The following ASH1L variants were observed in gnomAD, a reference collection of about 807,000 sequenced individuals.
ASH1L encodes histone-lysine N-methyltransferase ASH1L.
ASH1L carries 23 observed loss-of-function variants against 269.0 expected under a neutral mutation model. The observed-to-expected ratio is 0.09, with a 90% CI of 0.06 to 0.12. The LOEUF (loss-of-function observed/expected upper bound fraction) is 0.12, where lower values mean the gene tolerates loss of function less well. Ranked by LOEUF, ASH1L falls within the 10% of genes least tolerant of loss-of-function variation. The pLI, the probability that ASH1L is intolerant of heterozygous loss-of-function variation, is 1.00. For synonymous variants in ASH1L, 1,187 were observed against 1,253.5 expected, an observed-to-expected ratio of 0.95 and a Z score of 1.12; for missense variants, 2,912 against 3,567.8, an observed-to-expected ratio of 0.82 and a Z score of 4.68.
At chr1:155,457,762 A>G (rs1663970746) in intron 4 of ASH1L, among the ~76,000 whole-genome samples, 1 of 152,236 alleles carries the variant, frequency 6.6e-6, no homozygotes, top group African/African-American at 2.4e-5. Flanking sequence ...AATTCAATGA[A>G]CAGAATAGTC....
At chr1:155,443,439 C>A (rs1214838121) in intron 4 of ASH1L, among the ~76,000 whole-genome samples, 2 of 152,174 alleles carry the variant, frequency 1.3e-5, no homozygotes, top group African/African-American at 4.8e-5. Flanking sequence ...AAATTAACTT[C>A]ACTGTGGTAA....
intron 1 of ASH1L, among the ~76,000 whole-genome samples, chr1:155,545,034 T>C (rs541307829): frequency 4.0e-5 from 6 of 151,410 alleles, no homozygotes; most frequent in African/African-American, 1.5e-4. Flanking sequence ...TAGCCGGGCA[T>C]GGTGGTACAT....
intron 17 of ASH1L, among the ~76,000 whole-genome samples, chr1:155,350,267 C>G (rs968710291): frequency 1.1e-4 from 16 of 152,142 alleles, no homozygotes; most frequent in African/African-American, 3.9e-4. Flanking sequence ...GGTGATTCAC[C>G]TGCCTCGGCC....
intron 2 of ASH1L, among the ~76,000 whole-genome samples, chr1:155,511,071 T>C (rs1668130948): frequency 6.6e-6 from 1 of 152,116 alleles, no homozygotes; most frequent in Non-Finnish European, 1.5e-5. Context: ...GTATGAAATA[T>C]GACATAACAT....
chr1:155,397,945 C>A (rs1210851928), intron 6 of ASH1L, among the ~76,000 whole-genome samples: 1 of 152,124 alleles, frequency 6.6e-6, no homozygotes, highest in Non-Finnish European at 1.5e-5. Context: ...TATTTACTCT[C>A]ATAATTTATT....
upstream of ASH1L, chr1:155,562,998 A>G (rs1329210124): frequency 6.8e-5 from 31 of 456,094 alleles, no homozygotes; most frequent in Non-Finnish European, 1.3e-4. Context: ...AGAGGAAGGG[A>G]CGGGCCGAGC....
chr1:155,368,097 G>A (rs1225397862), intron 12 of ASH1L, among the ~76,000 whole-genome samples: 1 of 152,044 alleles, frequency 6.6e-6, no homozygotes, highest in African/African-American at 2.4e-5. Flanking sequence ...CGAACTTCTG[G>A]GCTCAGGCGA....
At chr1:155,440,897 T>C (rs1475449898) in intron 4 of ASH1L, among the ~76,000 whole-genome samples, 1 of 152,210 alleles carries the variant, frequency 6.6e-6, no homozygotes, top group Non-Finnish European at 1.5e-5. Context: ...CAGTGAATGA[T>C]ACCATAAAGC....
At chr1:155,433,584 A>G (rs1228933002) in intron 5 of ASH1L, 1 of 1,611,014 alleles carries the variant, frequency 6.2e-7, no homozygotes, top group Non-Finnish European at 8.5e-7. Context: ...AACCCGCAGG[A>G]GTCCCAGAAC....
chr1:155,551,964 A>C (rs1337590502), intron 1 of ASH1L, among the ~76,000 whole-genome samples: 3 of 151,956 alleles, frequency 2.0e-5, no homozygotes, highest in African/African-American at 7.2e-5. Flanking sequence ...CGAAAGGTTG[A>C]GACTCCGTGT....
intron 5 of ASH1L, among the ~76,000 whole-genome samples, chr1:155,422,486 G>T (rs1415972773): frequency 1.3e-5 from 2 of 151,536 alleles, no homozygotes; most frequent in East Asian, 1.9e-4. Context: ...GACCTCAGAT[G>T]ATTTACATGC....
At chr1:155,389,877 C>CT (rs1018913896) in intron 7 of ASH1L, among the ~76,000 whole-genome samples, 15,999 of 118,310 alleles carry the variant, frequency 0.14, 1,364 homozygotes, top group Admixed American at 0.23. Context: ...CTACCAGTAG[C>CT]TTTTTTTTTT....
At chr1:155,459,035 T>C (rs549976317) in intron 4 of ASH1L, among the ~76,000 whole-genome samples, 1 of 151,464 alleles carries the variant, frequency 6.6e-6, no homozygotes, top group South Asian at 2.1e-4. Context: ...GTATAAATTA[T>C]ACAAATATGT....
intron 8 of ASH1L, among the ~76,000 whole-genome samples, chr1:155,379,640 T>C (rs1656765629): frequency 6.6e-6 from 1 of 152,192 alleles, no homozygotes; most frequent in African/African-American, 2.4e-5. Flanking sequence ...AGAATCTCTT[T>C]TGCATGTGAA....
At chr1:155,559,470 G>C (rs1671812618) in intron 1 of ASH1L, among the ~76,000 whole-genome samples, 1 of 151,232 alleles carries the variant, frequency 6.6e-6, no homozygotes, top group Non-Finnish European at 1.5e-5. Context: ...AGGAGGCAGA[G>C]GTTGCAGTGA....
chr1:155,380,018 A>G, intron 8 of ASH1L, 25 bp downstream of exon 8: 1 of 1,557,128 alleles, frequency 6.4e-7, no homozygotes, highest in Non-Finnish European at 8.8e-7. Flanking sequence ...TAAGAATGAA[A>G]CCTGGTAAAA....
At chr1:155,388,486 T>C (rs1027144260) in intron 7 of ASH1L, among the ~76,000 whole-genome samples, 3 of 151,976 alleles carry the variant, frequency 2.0e-5, no homozygotes, top group African/African-American at 7.3e-5. Flanking sequence ...AATTTTTGTA[T>C]ACATGGGTTT....
intron 20 of ASH1L, 42 bp from the exon 21 acceptor site, chr1:155,346,511 C>T (rs1268523572): frequency 1.3e-6 from 2 of 1,562,570 alleles, no homozygotes; most frequent in Non-Finnish European, 1.8e-6. Context: ...GAGGCTATGA[C>T]TTATTGAGAG....
chr1:155,503,307 G>GTGTA (rs145493996), intron 2 of ASH1L, among the ~76,000 whole-genome samples: 7,422 of 152,128 alleles, frequency 0.049, 612 homozygotes, highest in African/African-American at 0.17. Flanking sequence ...AAATATTCTA[G>GTGTA]TGTATCTACC....
Sources: gnomAD v4.1 joint callset for allele counts (sites outside exome capture counted in the v4.1 genomes callset) on GRCh38, gnomAD v4.1.1 for gene constraint, MANE v1.5 for transcripts, NCBI Gene and HGNC (gene_info 2026-07-23, HGNC 2026-07-21) for gene names.